Variants in CAMKMT observed in about 807,000 individuals in gnomAD.
CAMKMT encodes the protein CaM KMT.
Under a neutral mutation model 48.0 loss-of-function variants are expected in CAMKMT, and 53 were observed. The ratio of observed to expected loss-of-function variants is 1.10; its 90% CI spans 0.89 to 1.39. CAMKMT has a LOEUF of 1.39. Among genes scored for constraint, CAMKMT ranks in the 40% most tolerant of loss-of-function variants. The pLI is 0.00. For synonymous variants in CAMKMT, 165 were observed against 152.3 expected, an observed-to-expected ratio of 1.08 and a Z score of -0.61; for missense variants, 428 against 402.7, an observed-to-expected ratio of 1.06 and a Z score of -0.54.
intron 3 of CAMKMT, among the ~76,000 whole-genome samples, chr2:44,697,323 C>T (rs145101718): frequency 5.3e-5 from 8 of 152,048 alleles, no homozygotes; most frequent in African/African-American, 1.7e-4. Flanking sequence ...AGAGATGGAA[C>T]CCAGGAGAAA....
At position 44,489,983 on chromosome 2, in the gene CAMKMT, A is replaced by G. The variant is rs57301958; in HGVS notation, c.376+99678A>G. Among the ~76,000 whole-genome samples, 3,925 of 152,056 alleles carry G rather than the reference A, an allele frequency of 0.026. 306 individuals are homozygous for G. The East Asian group carries it at 0.3, about 12-fold the overall frequency. On this transcript the variant is annotated intron_variant, in intron 3 of 10. Coordinates refer to ENST00000378494, the MANE Select transcript of CAMKMT (RefSeq NM_024766.5). ...TGTACTTGCTGAATCTAATGTATAT[A>G]TTAGATTAATACACACACACGCACA...
intron 3 of CAMKMT, among the ~76,000 whole-genome samples, chr2:44,645,629 T>C (rs904337780): frequency 6.6e-6 from 1 of 152,186 alleles, no homozygotes; most frequent in Non-Finnish European, 1.5e-5. Context: ...AAAACCAGCC[T>C]GGCCAACATG....
intron 3 of CAMKMT, among the ~76,000 whole-genome samples, chr2:44,614,635 T>C (rs1230906712): frequency 6.6e-6 from 1 of 152,172 alleles, no homozygotes; most frequent in African/African-American, 2.4e-5. Flanking sequence ...TGAAATCTGC[T>C]GGAGTTGAGA....
intron 3 of CAMKMT, among the ~76,000 whole-genome samples, chr2:44,545,495 C>T (rs1473510858): frequency 6.6e-6 from 1 of 152,112 alleles, no homozygotes; most frequent in African/African-American, 2.4e-5. Context: ...TATTGATCCT[C>T]TGTATAAAAC....
At chr2:44,738,632 C>T (rs1679493869) in intron 7 of CAMKMT, among the ~76,000 whole-genome samples, 1 of 152,192 alleles carries the variant, frequency 6.6e-6, no homozygotes, top group African/African-American at 2.4e-5. Context: ...AAATACATCA[C>T]TGTACAAAAC....
Position 44,772,022 on chromosome 2 carries a change from A to T in CAMKMT, c.895-14A>T, listed in dbSNP as rs1247584027. ...GGAGTCCCCTTACCTTTTTCTTTCT[A>T]TTATTGTTTTCAGTTGAAAAAGGAA... On this transcript the variant is annotated splice_polypyrimidine_tract_variant and intron_variant, in intron 10 of 10. Coordinates refer to ENST00000378494, the MANE Select transcript of CAMKMT (RefSeq NM_024766.5). 1 of 1,590,872 alleles carries T rather than the reference A, an allele frequency of 6.3e-7. No individual in the cohort carries two copies. Among genetic ancestry groups the T allele is most frequent in the South Asian group, 1.1e-5 (1 of 89,920 alleles).
At chr2:44,750,720 A>G (rs1349978996) in intron 8 of CAMKMT, among the ~76,000 whole-genome samples, 2 of 152,154 alleles carry the variant, frequency 1.3e-5, no homozygotes, top group African/African-American at 4.8e-5. Flanking sequence ...AGGCAAAGAA[A>G]TGCAAAGATG....
At chr2:44,654,781 C>T (rs1674282831) in intron 3 of CAMKMT, among the ~76,000 whole-genome samples, 1 of 152,170 alleles carries the variant, frequency 6.6e-6, no homozygotes, top group Non-Finnish European at 1.5e-5. Flanking sequence ...TCCCAAAGTG[C>T]TGGGATTACA....
At chr2:44,535,920 A>C (rs555841715) in intron 3 of CAMKMT, among the ~76,000 whole-genome samples, 2 of 152,174 alleles carry the variant, frequency 1.3e-5, no homozygotes, top group Non-Finnish European at 2.9e-5. Context: ...GAAAAGAGAA[A>C]GTTACATTGT....
intron 3 of CAMKMT, among the ~76,000 whole-genome samples, chr2:44,527,431 T>TA (rs1491395730): frequency 0.24 from 3,645 of 14,952 alleles, 92 homozygotes; most frequent in South Asian, 0.43. Flanking sequence ...TATATATATA[T>TA]TTTTTTTTTT....
chr2:44,555,231 C>T (rs1378302408), intron 3 of CAMKMT, among the ~76,000 whole-genome samples: 3 of 152,136 alleles, frequency 2.0e-5, no homozygotes, highest in African/African-American at 7.2e-5. Context: ...GGAAACCAGT[C>T]AGAGGCTGTT....
chr2:44,361,981 C>G lies in CAMKMT; in HGVS notation c.-27C>G. ...CAGGGGACGAGCTGCGGCGGTGGCA[C>G]CTCCGGGTGTGGAAGGCTCCAGTGA... On this transcript the variant is annotated 5_prime_UTR_variant, in exon 1 of 11. Coordinates refer to ENST00000378494, the MANE Select transcript of CAMKMT (RefSeq NM_024766.5). The G allele has an allele frequency of 7.3e-7, 1 of 1,367,670 alleles. No individual in the cohort carries two copies. The highest frequency in any genetic ancestry group is 9.4e-7 in the Non-Finnish European group (1 of 1,064,092). The allele number at this position is 1,367,670 out of a possible 1,614,324, so 84.7% of individuals were successfully genotyped here. A position where few individuals can be genotyped will look rare whatever the true frequency, so the allele number is the denominator to read the frequency against.
chr2:44,556,843 C>T (rs1477919656), intron 3 of CAMKMT, among the ~76,000 whole-genome samples: 1 of 151,396 alleles, frequency 6.6e-6, no homozygotes, highest in African/African-American at 2.4e-5. Flanking sequence ...TTTGGGAGGC[C>T]GAAGCAGGAG....
chr2:44,608,415 G>A lies in CAMKMT; in HGVS notation c.377-95868G>A, dbSNP rs554950655. Among the ~76,000 whole-genome samples the A allele has an allele frequency of 1.6e-4, 24 of 151,936 alleles. No individual in the cohort carries two copies. In the East Asian group the frequency reaches 4.1e-3, roughly 26 times the overall value. On this transcript the variant is annotated intron_variant, in intron 3 of 10. Coordinates refer to ENST00000378494, the MANE Select transcript of CAMKMT (RefSeq NM_024766.5). Reference sequence around the variant, plus strand: ...TTTTAAGTTTTATTTTTTTAAAATTGACAAATAATAATTGTACTTATTTAT... The same window carrying A: ...TTTTAAGTTTTATTTTTTTAAAATTAACAAATAATAATTGTACTTATTTAT...
chr2:44,584,993 T>A (rs193207697), intron 3 of CAMKMT, among the ~76,000 whole-genome samples: 1 of 151,484 alleles, frequency 6.6e-6, no homozygotes, highest in East Asian at 1.9e-4. Context: ...AGGCGGAGGT[T>A]GCAGTGAGCC....
rs377514138 is a variant in CAMKMT, at chr2:44,461,229, C to G, written c.376+70924C>G. ...GCTTTTGTGTATACCTCGTTGTAATCCAGACTGACATCTCTGTGAAAACCC... is the reference window on the plus strand; with the variant it reads ...GCTTTTGTGTATACCTCGTTGTAATGCAGACTGACATCTCTGTGAAAACCC... On this transcript the variant is annotated intron_variant, in intron 3 of 10. Transcript: ENST00000378494. 2.0e-5 allele frequency among the ~76,000 whole-genome samples: 3 copies of G among 151,990 alleles called. No individual in the cohort carries two copies. The East Asian group carries it at 5.8e-4, about 29-fold the overall frequency.
intron 3 of CAMKMT, among the ~76,000 whole-genome samples, chr2:44,677,758 A>G (rs1324274014): frequency 6.6e-6 from 1 of 152,008 alleles, no homozygotes; most frequent in African/African-American, 2.4e-5. Context: ...ATTTTTTACA[A>G]TTCTCTTATA....
intron 3 of CAMKMT, among the ~76,000 whole-genome samples, chr2:44,522,504 G>T (rs555966035): frequency 1.3e-5 from 2 of 152,224 alleles, no homozygotes; most frequent in African/African-American, 4.8e-5. Flanking sequence ...AACCCCTATT[G>T]TTATCACAGG....
At chr2:44,538,952 GTGTGTC>G (rs1164475198) in intron 3 of CAMKMT, among the ~76,000 whole-genome samples, 43 of 97,232 alleles carry the variant, frequency 4.4e-4, no homozygotes, top group Middle Eastern at 5.0e-3. Flanking sequence ...CTTTCTGTGT[GTGTGTC>G]TGTGTGTGTG....
Sources: gnomAD v4.1 joint callset for allele counts (sites outside exome capture counted in the v4.1 genomes callset) on GRCh38, gnomAD v4.1.1 for gene constraint, MANE v1.5 for transcripts, NCBI Gene and HGNC (gene_info 2026-07-23, HGNC 2026-07-21) for gene names.